SCFD2: variants seen among roughly 807,000 people sequenced by gnomAD.
SCFD2 encodes sec1 family domain containing 2.
Under a neutral mutation model 58.9 loss-of-function variants are expected in SCFD2, and 54 were observed. The observed-to-expected ratio is 0.92, with a 90% CI of 0.74 to 1.15. The LOEUF is 1.15. Among genes scored for constraint, SCFD2 ranks in the 50% most tolerant of loss-of-function variants. The probability of loss-of-function intolerance (pLI) is 0.00; values close to 1 mark genes in which losing one functional copy is unlikely to be tolerated. For synonymous variants in SCFD2, 321 were observed against 335.9 expected (o/e 0.96, Z 0.49); for missense variants, 805 against 836.6 (o/e 0.96, Z 0.47).
intron 5 of SCFD2, among the ~76,000 whole-genome samples, chr4:53,088,533 T>C (rs1406491108): frequency 6.6e-6 from 1 of 152,226 alleles, no homozygotes; most frequent in Non-Finnish European, 1.5e-5. Context: ...ATGGGATTTG[T>C]TACCCTTTTC....
intron 2 of SCFD2, among the ~76,000 whole-genome samples, chr4:53,327,723 T>G (rs1011167017): frequency 2.6e-5 from 4 of 152,318 alleles, no homozygotes; most frequent in African/African-American, 9.6e-5. Flanking sequence ...AGGGTCAGGT[T>G]ACTCAACTGT....
chr4:52,996,353 T>C (rs554400659), intron 5 of SCFD2, among the ~76,000 whole-genome samples: 1 of 152,100 alleles, frequency 6.6e-6, no homozygotes, highest in Non-Finnish European at 1.5e-5. Context: ...TGGAGTGGAG[T>C]CGCCTGACCG....
intron 4 of SCFD2, among the ~76,000 whole-genome samples, chr4:53,239,562 G>A (rs1248641684): frequency 5.3e-5 from 8 of 152,148 alleles, no homozygotes; most frequent in South Asian, 2.1e-4. Context: ...TCAGCTCACC[G>A]CAACCTCTGC....
In SCFD2 at chr4:53,365,017, A is replaced by G; in HGVS notation, c.838+87T>C. On this transcript the variant is annotated intron_variant, in intron 1 of 8. Transcript: ENST00000401642. The surrounding 1 kb of genome is among the most constrained non-coding windows in gnomAD (Gnocchi z 4.3). ...TTGTATCCTCAATCTAATATATAAT[A>G]AAAGGTCAATAAAATATATGCTGAA... 6.9e-7 allele frequency: 1 copy of G among 1,449,754 alleles called. No homozygotes were observed. The highest frequency in any genetic ancestry group is 1.8e-4 in the Middle Eastern group (1 of 5,492). The allele number at this position is 1,449,754 out of a possible 1,614,324, so 89.8% of individuals were successfully genotyped here.
At chr4:52,931,030 C>T (rs75462414) in intron 5 of SCFD2, among the ~76,000 whole-genome samples, 2,062 of 152,238 alleles carry the variant, frequency 0.014, 43 homozygotes, top group African/African-American at 0.044. Context: ...GCCACTTACG[C>T]CAGGCTCAGG....
chr4:52,947,556 T>G (rs560299368), intron 5 of SCFD2, among the ~76,000 whole-genome samples: 1 of 151,980 alleles, frequency 6.6e-6, no homozygotes, highest in South Asian at 2.1e-4. Context: ...TAAGACAGGG[T>G]GGTATTGGCA....
intron 2 of SCFD2, among the ~76,000 whole-genome samples, chr4:53,351,153 C>T (rs531982629): frequency 2.0e-5 from 3 of 152,180 alleles, no homozygotes; most frequent in African/African-American, 7.2e-5. Context: ...CTTAATTTCC[C>T]AAACGTAAAA....
intron 5 of SCFD2, among the ~76,000 whole-genome samples, chr4:53,029,970 A>G (rs528974050): frequency 2.0e-5 from 3 of 152,326 alleles, no homozygotes; most frequent in South Asian, 2.1e-4. Context: ...TCCCTTTTAA[A>G]TTGGTAAATT....
At chr4:53,202,665 A>C (rs1330440209) in intron 4 of SCFD2, among the ~76,000 whole-genome samples, 7 of 152,166 alleles carry the variant, frequency 4.6e-5, no homozygotes, top group Non-Finnish European at 7.4e-5. Flanking sequence ...TGAGCATGGA[A>C]TGTACTTCCA....
At chr4:52,946,055 T>A (rs1031938546) in intron 5 of SCFD2, among the ~76,000 whole-genome samples, 4 of 152,172 alleles carry the variant, frequency 2.6e-5, no homozygotes, top group African/African-American at 9.7e-5. Flanking sequence ...TAAGTTACTA[T>A]CATGGAAAAA....
At chr4:52,992,152 G>C (rs564783395) in intron 5 of SCFD2, among the ~76,000 whole-genome samples, 1 of 152,088 alleles carries the variant, frequency 6.6e-6, no homozygotes, top group Non-Finnish European at 1.5e-5. Context: ...TCAGCCTGTC[G>C]AGTGCCTGGG....
intron 3 of SCFD2, among the ~76,000 whole-genome samples, chr4:53,298,199 A>T (rs534120723): frequency 1.3e-5 from 2 of 152,244 alleles, no homozygotes; most frequent in South Asian, 4.2e-4. Context: ...TTCCTAGTCA[A>T]AGAAAGGGGT....
intron 5 of SCFD2, among the ~76,000 whole-genome samples, chr4:53,117,758 CCTT>C (rs914728367): frequency 6.6e-6 from 1 of 152,100 alleles, no homozygotes; most frequent in Non-Finnish European, 1.5e-5. Context: ...TTTAGAAAAA[CCTT>C]CTTTTAAACA....
At chr4:53,044,635 C>CCTTT (rs61301023) in intron 5 of SCFD2, among the ~76,000 whole-genome samples, 146,909 of 147,702 alleles carry the variant, frequency 0.99, 73,067 homozygotes, top group Middle Eastern at 1. Context: ...CTCCCTCCCT[C>CCTTT]CTTTTTTCCT....
chr4:53,300,487 C>T (rs1732239285), intron 3 of SCFD2, among the ~76,000 whole-genome samples: 1 of 152,170 alleles, frequency 6.6e-6, no homozygotes, highest in South Asian at 2.1e-4. Flanking sequence ...TAGACTCCCA[C>T]ACAATAATAC....
At chr4:52,933,783 CA>C (rs2109502058) in intron 5 of SCFD2, among the ~76,000 whole-genome samples, 1 of 152,308 alleles carries the variant, frequency 6.6e-6, no homozygotes, top group East Asian at 1.9e-4. Context: ...ATGTGTCCCC[CA>C]AAAGTTCATG....
At chr4:53,302,069 C>T (rs961264793) in intron 3 of SCFD2, among the ~76,000 whole-genome samples, 3 of 152,126 alleles carry the variant, frequency 2.0e-5, no homozygotes, top group Non-Finnish European at 4.4e-5. Flanking sequence ...TCTCACCACT[C>T]CTATTCAACA....
At chr4:53,161,292 A>G (rs1372858204) in intron 4 of SCFD2, among the ~76,000 whole-genome samples, 1 of 152,234 alleles carries the variant, frequency 6.6e-6, no homozygotes, top group Non-Finnish European at 1.5e-5. Flanking sequence ...ATTTACTTCA[A>G]TAAAAAGTTT....
At chr4:52,927,130 T>A (rs1719881985) in intron 5 of SCFD2, among the ~76,000 whole-genome samples, 1 of 152,166 alleles carries the variant, frequency 6.6e-6, no homozygotes, top group Non-Finnish European at 1.5e-5. Context: ...TGATGTGTGA[T>A]TGGAAAAGTC....
Sources: gnomAD v4.1 joint callset for allele counts (sites outside exome capture counted in the v4.1 genomes callset) on GRCh38, gnomAD v4.1.1 for gene constraint, Gnocchi (gnomAD v3.1) non-coding constraint, MANE v1.5 for transcripts, NCBI Gene and HGNC (gene_info 2026-07-23, HGNC 2026-07-21) for gene names.